The following SNAPC3 variants were observed in gnomAD, a reference collection of about 807,000 sequenced individuals.
The protein encoded by SNAPC3 is small nuclear RNA activating complex polypeptide 3, also known as snRNA-activating protein complex subunit 3.
SNAPC3 carries 56 observed loss-of-function variants against 47.7 expected under a neutral mutation model. The ratio of observed to expected loss-of-function variants is 1.18; its 90% confidence interval spans 0.95 to 1.47. SNAPC3 has a LOEUF of 1.47. Ranked by LOEUF, SNAPC3 falls within the 40% of genes most tolerant of loss-of-function variation. The pLI is 0.00. For synonymous variants in SNAPC3, 235 were observed against 189.9 expected (o/e 1.24, Z -1.95); for missense variants, 665 against 511.3 (o/e 1.30, Z -2.90).
intron 7 of SNAPC3, among the ~76,000 whole-genome samples, chr9:15,456,263 G>T (rs1037568854): frequency 1.3e-5 from 2 of 152,144 alleles, no homozygotes; most frequent in Admixed American, 6.5e-5. Flanking sequence ...GCCCATGTCG[G>T]CCTCCCAAAG....
intron 3 of SNAPC3, among the ~76,000 whole-genome samples, chr9:15,439,421 C>G (rs1000141949): frequency 3.3e-5 from 5 of 152,182 alleles, no homozygotes; most frequent in Non-Finnish European, 5.9e-5. Context: ...GGGTCTTGCT[C>G]TGTTCCCCAG....
chr9:15,449,305 G>A (rs62570989), intron 5 of SNAPC3, among the ~76,000 whole-genome samples: 4,776 of 151,944 alleles, frequency 0.031, 124 homozygotes, highest in Non-Finnish European at 0.042. Flanking sequence ...TTACCTTCAG[G>A]AAACCCTGGA....
intron 7 of SNAPC3, among the ~76,000 whole-genome samples, chr9:15,455,915 T>G (rs1321553295): frequency 1.3e-5 from 2 of 151,200 alleles, no homozygotes; most frequent in African/African-American, 4.9e-5. Flanking sequence ...GCTCTTGTTG[T>G]CCCAGCTGGA....
intron 8 of SNAPC3, among the ~76,000 whole-genome samples, chr9:15,459,270 T>C (rs993295779): frequency 1.2e-4 from 19 of 152,218 alleles, no homozygotes; most frequent in African/African-American, 2.2e-4. Flanking sequence ...AAAAGAGTTA[T>C]ATAGTTTTCA....
chr9:15,451,204 G>GC, intron 5 of SNAPC3, 116 bp from the exon 6 acceptor site: 1 of 315,898 alleles, frequency 3.2e-6, no homozygotes. Context: ...AATAGTAGCA[G>GC]TTTTTTAACA....
rs1587210528 is a variant in SNAPC3, at chr9:15,433,593, C to T, written c.434C>T (p.Thr145Ile). The change falls in exon 3 of 9, where the codon ACA (threonine) becomes ATA (isoleucine). Residue 145 changes from threonine (T) to isoleucine (I), a missense_variant. Thr to Ile is a moderately conservative substitution (Grantham distance 89). Coordinates refer to ENST00000380821, the MANE Select transcript of SNAPC3 (RefSeq NM_001039697.2). ...RFLEHREETI[T>I]IDRACRQETF... ...TTGGAACATCGGGAAGAAACCATTA[C>T]AATAGATCGAGCCTGCAGACAAGAA... 2 of 1,609,182 alleles carry T rather than the reference C, an allele frequency of 1.2e-6. No individual in the cohort carries two copies. The highest frequency in any genetic ancestry group is 2.2e-5 in the South Asian group (2 of 90,718).
At chr9:15,442,819 C>T (rs879023260) in intron 3 of SNAPC3, among the ~76,000 whole-genome samples, 3 of 152,146 alleles carry the variant, frequency 2.0e-5, no homozygotes, top group Non-Finnish European at 4.4e-5. Context: ...CCAAGGCAGG[C>T]GGCTGGGAGG....
rs1225546297 is a variant in SNAPC3 at position 15,461,393 on chromosome 9, C to T, written c.*1527C>T. ...CGCAGAATAGTCTCGAACTCCTGAC[C>T]TCAAGTGATCCATCCGCCTTGGCCT... is the stretch of plus-strand genomic sequence containing the variant. On this transcript the variant is annotated 3_prime_UTR_variant, in exon 9 of 9. Transcript: ENST00000380821. 2.0e-5 allele frequency: 3 copies of T among 152,192 alleles called. No homozygotes were observed. Among genetic ancestry groups the T allele is most frequent in the Non-Finnish European group, 4.4e-5 (3 of 68,052 alleles). 9.4% of individuals were successfully genotyped at this position (152,192 alleles called of 1,614,324 possible). A position where few individuals can be genotyped will look rare whatever the true frequency, so the allele number is the denominator to read the frequency against.
chr9:15,423,185 G>C lies in SNAPC3; in HGVS notation c.306G>C (p.Ala102=). 1.3e-6 allele frequency: 2 copies of C among 1,577,388 alleles called. No individual in the cohort carries two copies. Among genetic ancestry groups the C allele is most frequent in the Non-Finnish European group, 1.7e-6 (2 of 1,170,704 alleles). Residue 102 remains alanine (A), a synonymous_variant, in exon 1 of 9, where the codon GCG becomes GCC. Transcript: ENST00000380821. ...CSLEAAAELR[A]VCGLDKLKCL... ...TGGAGGCGGCGGCTGAGCTGAGGGC[G>C]GTGTGCGGGTGAGTGCGGAGCAAAG...
At chr9:15,448,211 T>C (rs2034093904) in intron 5 of SNAPC3, among the ~76,000 whole-genome samples, 1 of 152,146 alleles carries the variant, frequency 6.6e-6, no homozygotes. Context: ...GCCACATAAA[T>C]GTTGGTATAA....
rs1435331928 is a variant in SNAPC3 at position 15,433,537 on chromosome 9, T to G, written c.393-15T>G. The G allele has an allele frequency of 6.6e-7, 1 of 1,510,810 alleles. No individual in the cohort carries two copies. Among genetic ancestry groups the G allele is most frequent in the Non-Finnish European group, 9.1e-7 (1 of 1,104,054 alleles). 93.6% of individuals were successfully genotyped at this position (1,510,810 alleles called of 1,614,324 possible). A position where few individuals can be genotyped will look rare whatever the true frequency, so the allele number is the denominator to read the frequency against. On this transcript the variant is annotated splice_polypyrimidine_tract_variant and intron_variant, in intron 2 of 8. Transcript: ENST00000380821. ...TTGAACTTTGATTTTTTTTTTTCTTTTACATCTACAACAGGGTTAGAAAAA... is the reference window on the plus strand; with the variant it reads ...TTGAACTTTGATTTTTTTTTTTCTTGTACATCTACAACAGGGTTAGAAAAA...
rs1237469317 is a variant in SNAPC3, at chr9:15,422,918, G to A, written c.39G>A (p.Gly13=). 2 of 1,536,532 alleles carry A rather than the reference G, an allele frequency of 1.3e-6. No individual in the cohort carries two copies. The highest frequency in any genetic ancestry group is 1.4e-5 in the African/African-American group (1 of 71,494). Residue 13 remains glycine, a synonymous_variant, in exon 1 of 9, where the codon GGG becomes GGA. Coordinates refer to ENST00000380821, the MANE Select transcript of SNAPC3 (RefSeq NM_001039697.2). ...EGSRGGPTCS[G]VGGRQDPVSG... ...GCCGAGGTGGCCCTACGTGTAGCGG[G>A]GTGGGTGGCAGGCAGGACCCAGTCT... is the stretch of plus-strand genomic sequence containing the variant.
intron 3 of SNAPC3, among the ~76,000 whole-genome samples, chr9:15,435,388 C>T (rs1419886910): frequency 1.3e-5 from 2 of 152,140 alleles, no homozygotes; most frequent in Non-Finnish European, 2.9e-5. Flanking sequence ...GCCTGACCAA[C>T]ATGGCGAAAC....
At chr9:15,446,189 G>C (rs1308302330) in intron 4 of SNAPC3, among the ~76,000 whole-genome samples, 1 of 152,154 alleles carries the variant, frequency 6.6e-6, no homozygotes, top group Non-Finnish European at 1.5e-5. Flanking sequence ...CCATGGCTGA[G>C]TATGTCAGTT....
chr9:15,425,959 T>C (rs1288697147), intron 2 of SNAPC3, among the ~76,000 whole-genome samples: 1 of 152,242 alleles, frequency 6.6e-6, no homozygotes, highest in Non-Finnish European at 1.5e-5. Context: ...CCTCCTAGGT[T>C]CAAGTGATTC....
intron 4 of SNAPC3, among the ~76,000 whole-genome samples, chr9:15,445,355 G>T (rs893305640): frequency 1.3e-5 from 2 of 152,150 alleles, no homozygotes; most frequent in Non-Finnish European, 2.9e-5. Flanking sequence ...GGCTAATGGA[G>T]GAATTAGCCT....
chr9:15,434,449 C>A (rs1004512910), intron 3 of SNAPC3, among the ~76,000 whole-genome samples: 3 of 150,922 alleles, frequency 2.0e-5, no homozygotes, highest in Non-Finnish European at 4.4e-5. Context: ...GCTGTGTCGC[C>A]CAGGCTGGAG....
chr9:15,456,033 C>G (rs1443894391), intron 7 of SNAPC3, among the ~76,000 whole-genome samples: 1 of 152,138 alleles, frequency 6.6e-6, no homozygotes, highest in Non-Finnish European at 1.5e-5. Context: ...CGCCACCACG[C>G]CCAGCTAATT....
chr9:15,423,919 C>A lies in SNAPC3; in HGVS notation c.325C>A (p.Leu109Met). ...ELRAVCGLDK[L>M]KCLEDGEDPE... is the part of the protein sequence containing the mutation. ...TCCTTTTTGTTTTAGCCTTGATAAA[C>A]TGAAATGCCTTGAGGACGGTGAGGA... The change falls in exon 2 of 9, where the codon CTG becomes ATG. Residue 109 changes from leucine (L) to methionine (M), a missense_variant. Coordinates refer to ENST00000380821, the MANE Select transcript of SNAPC3 (RefSeq NM_001039697.2). The A allele has an allele frequency of 6.4e-7, 1 of 1,570,466 alleles. No individual in the cohort carries two copies. The highest frequency in any genetic ancestry group is 8.6e-7 in the Non-Finnish European group (1 of 1,159,888).
Sources: gnomAD v4.1 joint callset for allele counts (sites outside exome capture counted in the v4.1 genomes callset) on GRCh38, gnomAD v4.1.1 for gene constraint, MANE v1.5 for transcripts, NCBI Gene and HGNC (gene_info 2026-07-23, HGNC 2026-07-21) for gene names.